The following FOXN2 variants were observed in gnomAD, a reference collection of about 807,000 sequenced individuals.
FOXN2 encodes the protein forkhead box protein N2.
FOXN2 carries 19 observed loss-of-function variants against 41.2 expected under a neutral mutation model. The observed-to-expected ratio is 0.46, with a 90% CI of 0.32 to 0.68. The LOEUF (loss-of-function observed/expected upper bound fraction) is 0.68. Among genes scored for constraint, FOXN2 ranks in the 30% least tolerant of loss-of-function variants. The pLI is 0.03. For synonymous variants in FOXN2, 195 were observed against 176.8 expected, an observed-to-expected ratio of 1.10 and a Z score of -0.82; for missense variants, 587 against 509.4, an observed-to-expected ratio of 1.15 and a Z score of -1.47.
chr2:48,352,408 C>G lies in FOXN2; in HGVS notation c.537+5657C>G, dbSNP rs7605566. On this transcript the variant is annotated intron_variant, in intron 3 of 6. Transcript: ENST00000340553. The stretch of plus-strand genomic sequence containing the variant: ...GATTTGTATAACACTGTGCTTAATT[C>G]TTTGTTTACCTGTGTGGACTCTCCA... Among the ~76,000 whole-genome samples, 565 of 152,276 alleles carry G rather than the reference C, an allele frequency of 3.7e-3. 5 individuals are homozygous for G. Among genetic ancestry groups the G allele is most frequent in the African/African-American group, 0.013 (538 of 41,562 alleles).
At chr2:48,315,006 G>A (rs556390143) in intron 1 of FOXN2, among the ~76,000 whole-genome samples, 192 bp downstream of exon 1, 8 of 152,116 alleles carry the variant, frequency 5.3e-5, no homozygotes, top group African/African-American at 1.9e-4. Flanking sequence ...TCCCCGGCGC[G>A]CGTATCGGGT....
chr2:48,375,557 T>C lies in FOXN2; in HGVS notation c.*114T>C. The C allele has an allele frequency of 8.8e-7, 1 of 1,137,024 alleles. No homozygotes were observed. The highest frequency in any genetic ancestry group is 1.2e-6 in the Non-Finnish European group (1 of 830,698). The allele number at this position is 1,137,024 out of a possible 1,614,324, so 70.4% of individuals were successfully genotyped here. A position where few individuals can be genotyped will look rare whatever the true frequency, so the allele number is the denominator to read the frequency against. ...GAAGGGATACTAATTACTTATTTCT[T>C]TCAAAACATTTTTGGTTTTTGGTTT... On this transcript the variant is annotated 3_prime_UTR_variant, in exon 7 of 7. Coordinates refer to ENST00000340553, the MANE Select transcript of FOXN2 (RefSeq NM_002158.4).
At position 48,375,419 on chromosome 2, in the gene FOXN2, A is replaced by G; in HGVS notation, c.1272A>G (p.Gln424=). 6.2e-7 allele frequency: 1 copy of G among 1,607,124 alleles called. No homozygotes were observed. The highest frequency in any genetic ancestry group is 1.3e-5 in the African/African-American group (1 of 74,596). The stretch of plus-strand genomic sequence containing the variant: ...CCCTAATAAGTACTGCAAAGACACA[A>G]AATCAAAAGCAACGGAAAAAATAGA... ...LGSLISTAKT[Q]NQKQRKK The change falls in exon 7 of 7, where the codon CAA becomes CAG. Residue 424 remains glutamine (Q), a synonymous_variant. Transcript: ENST00000340553.
intron 1 of FOXN2, among the ~76,000 whole-genome samples, chr2:48,319,989 A>G (rs1190088699): frequency 6.6e-6 from 1 of 151,630 alleles, no homozygotes; most frequent in Non-Finnish European, 1.5e-5. Context: ...TGGGTTTTAT[A>G]TGTAACCTTG....
intron 1 of FOXN2, among the ~76,000 whole-genome samples, chr2:48,315,048 G>C (rs945684712): frequency 6.6e-6 from 1 of 152,186 alleles, no homozygotes; most frequent in East Asian, 1.9e-4. Flanking sequence ...GTCGAACTGA[G>C]GGGAGTGTGG....
chr2:48,321,740 T>A (rs1168206212), intron 1 of FOXN2, among the ~76,000 whole-genome samples: 1 of 152,022 alleles, frequency 6.6e-6, no homozygotes, highest in Non-Finnish European at 1.5e-5. Context: ...TAAAAAAAAA[T>A]CTAAAAAAAT....
intron 1 of FOXN2, among the ~76,000 whole-genome samples, chr2:48,322,455 C>T (rs1669391510): frequency 6.6e-6 from 1 of 152,138 alleles, no homozygotes; most frequent in Admixed American, 6.6e-5. Flanking sequence ...TTTTATTACT[C>T]AAGTATGTGT....
intron 1 of FOXN2, among the ~76,000 whole-genome samples, chr2:48,321,496 A>G (rs1346867983): frequency 6.6e-6 from 1 of 152,190 alleles, no homozygotes; most frequent in African/African-American, 2.4e-5. Context: ...AGATTGCCCC[A>G]CTGCACTCCA....
At chr2:48,325,925 T>C (rs770426191) in intron 1 of FOXN2, among the ~76,000 whole-genome samples, 67 of 149,276 alleles carry the variant, frequency 4.5e-4, no homozygotes, top group Non-Finnish European at 6.2e-4. Context: ...TTTGGCTCAC[T>C]GCAAACTGTG....
chr2:48,361,446 G>A (rs1253689424), intron 4 of FOXN2, among the ~76,000 whole-genome samples: 1 of 148,934 alleles, frequency 6.7e-6, no homozygotes, highest in Non-Finnish European at 1.5e-5. Flanking sequence ...CAGCCTGGGC[G>A]ACAGAGCGAG....
chr2:48,367,218 AGTTTG>A (rs1417921687), intron 5 of FOXN2, among the ~76,000 whole-genome samples: 1 of 152,134 alleles, frequency 6.6e-6, no homozygotes, highest in Non-Finnish European at 1.5e-5. Flanking sequence ...TTTGGTCAAT[AGTTTG>A]GTTTGGTGTG....
At chr2:48,317,882 C>T (rs1463929692) in intron 1 of FOXN2, among the ~76,000 whole-genome samples, 2 of 151,916 alleles carry the variant, frequency 1.3e-5, no homozygotes, top group Non-Finnish European at 2.9e-5. Flanking sequence ...GCTGGGATTA[C>T]AGGCGGGAAC....
intron 1 of FOXN2, among the ~76,000 whole-genome samples, 152 bp from the exon 2 acceptor site, chr2:48,328,409 A>T (rs1432675835): frequency 2.6e-5 from 4 of 152,204 alleles, no homozygotes; most frequent in Non-Finnish European, 5.9e-5. Context: ...TTAAGTCTCT[A>T]GATTACTTAT....
Position 48,375,374 on chromosome 2 carries a change from A to G in FOXN2, c.1227A>G (p.Gly409=), listed in dbSNP as rs189152161. 6.2e-7 allele frequency: 1 copy of G among 1,613,566 alleles called. No homozygotes were observed. Among genetic ancestry groups the G allele is most frequent in the East Asian group, 2.2e-5 (1 of 44,814 alleles). ...CTGGATCTCTGCTCCACCTTGCTGGAATTCGTACATGTTTAGGTTCCCTAA... is the reference window on the plus strand; with the variant it reads ...CTGGATCTCTGCTCCACCTTGCTGGGATTCGTACATGTTTAGGTTCCCTAA... The part of the protein sequence containing the change: ...EAAGSLLHLA[G]IRTCLGSLIS... Residue 409 remains glycine (G), a synonymous_variant, in exon 7 of 7, where the codon GGA becomes GGG. Coordinates refer to ENST00000340553, the MANE Select transcript of FOXN2 (RefSeq NM_002158.4).
intron 2 of FOXN2, among the ~76,000 whole-genome samples, chr2:48,339,735 A>T (rs1670614186): frequency 6.6e-6 from 1 of 152,180 alleles, no homozygotes; most frequent in Non-Finnish European, 1.5e-5. Flanking sequence ...CTATTCTGTG[A>T]CCAAATAATT....
At chr2:48,329,920 G>C (rs866697952) in intron 2 of FOXN2, among the ~76,000 whole-genome samples, 2 of 151,520 alleles carry the variant, frequency 1.3e-5, no homozygotes, top group African/African-American at 2.4e-5. Context: ...GTGGCTGTTA[G>C]GTTTATTACA....
intron 3 of FOXN2, 64 bp from the exon 4 acceptor site, chr2:48,358,983 A>G: frequency 1.6e-6 from 2 of 1,279,730 alleles, no homozygotes; most frequent in Non-Finnish European, 2.2e-6. Flanking sequence ...ATTTATTTAA[A>G]ACATTTAGAC....
At chr2:48,339,881 TCC>T (rs1458724098) in intron 2 of FOXN2, among the ~76,000 whole-genome samples, 1 of 152,218 alleles carries the variant, frequency 6.6e-6, no homozygotes, top group Non-Finnish European at 1.5e-5. Flanking sequence ...AATTAAATGT[TCC>T]TTAAAAGTAT....
At chr2:48,314,341 T>A (rs1030877380), upstream of FOXN2, among the ~76,000 whole-genome samples, 3 of 152,202 alleles carry the variant, frequency 2.0e-5, no homozygotes, top group African/African-American at 7.2e-5. Flanking sequence ...GGCCTTTGCA[T>A]TTTCCCGCTT....
Sources: gnomAD v4.1 joint callset for allele counts (sites outside exome capture counted in the v4.1 genomes callset) on GRCh38, gnomAD v4.1.1 for gene constraint, MANE v1.5 for transcripts, NCBI Gene and HGNC (gene_info 2026-07-23, HGNC 2026-07-21) for gene names.